TPD52L3: variants seen among roughly 807,000 people sequenced by gnomAD.
The protein encoded by TPD52L3 is tumor protein D55.
A neutral mutation model predicts 8.7 loss-of-function variants in TPD52L3; 12 were observed. That is an observed-to-expected ratio of 1.38 (90% confidence interval 0.89 to 2.24). The LOEUF is 2.24. TPD52L3 is among the 30% of genes most tolerant of loss of function. The pLI is 0.00. For synonymous variants in TPD52L3, 79 were observed against 66.8 expected (o/e 1.18, Z -0.89); for missense variants, 207 against 158.7 (o/e 1.30, Z -1.64).
At position 6,328,659 on chromosome 9, in the gene TPD52L3, G is replaced by C. The variant is rs778521383; in HGVS notation, c.64G>C (p.Glu22Gln). The C allele has an allele frequency of 2.5e-6, 4 of 1,614,156 alleles. No individual in the cohort carries two copies. The highest frequency in any genetic ancestry group is 1.7e-5 in the Admixed American group (1 of 60,026). Residue 22 changes from glutamate to glutamine, a missense_variant, in exon 1 of 2, where the codon GAG (glutamate) becomes CAG (glutamine). By Grantham distance (29) the Glu-to-Gln change is conservative (BLOSUM62 2). Transcript: ENST00000314556. ...TGAATCCCACTCGACTTCTGAACTG[G>C]AGGATCTGACAGAGCCCGAGCAAAG... The part of the protein sequence containing the change: ...TYESHSTSEL[E>Q]DLTEPEQREL...
intron 1 of TPD52L3, 170 bp downstream of exon 1, chr9:6,329,132 A>G (rs1227931156): frequency 2.0e-6 from 3 of 1,493,908 alleles, no homozygotes; most frequent in Non-Finnish European, 8.9e-7. Flanking sequence ...CTGGAGAGTG[A>G]GGATGACCAT....
chr9:6,328,699 A>G lies in TPD52L3; in HGVS notation c.104A>G (p.Lys35Arg), dbSNP rs1370772271. 6.2e-7 allele frequency: 1 copy of G among 1,614,080 alleles called. No individual in the cohort carries two copies. Reference protein sequence around the residue: ...TEPEQRELKTKLTKLEAEIVT... With the variant: ...TEPEQRELKTRLTKLEAEIVT... ...CCCGAGCAAAGAGAGCTCAAAACCAAACTCACTAAATTGGAGGCTGAAATT... is the reference window on the plus strand; with the variant it reads ...CCCGAGCAAAGAGAGCTCAAAACCAGACTCACTAAATTGGAGGCTGAAATT... Residue 35 changes from lysine to arginine, a missense_variant, in exon 1 of 2, where the codon AAA becomes AGA. Lys to Arg is a conservative substitution (Grantham distance 26). Transcript: ENST00000314556.
rs139191341 is a variant in TPD52L3, at chr9:6,330,910, A to G, written c.368-66A>G. 3.6e-4 allele frequency: 564 copies of G among 1,586,644 alleles called. 1 individual carries two copies. In the African/African-American group the frequency reaches 6.5e-3, roughly 18 times the overall value. On this transcript the variant is annotated intron_variant, in intron 1 of 1. Transcript: ENST00000314556. ...AGTAAGTTTCCCCAATAAATTCTCA[A>G]CTCCGTAAAAGTAGTAAAGTACATA...
chr9:6,329,312 G>C (rs1363702575), intron 1 of TPD52L3: 1 of 1,199,156 alleles, frequency 8.3e-7, no homozygotes, highest in Non-Finnish European at 1.0e-6. Context: ...CCAGTTTTGA[G>C]AAAAGAACAC....
In TPD52L3 at chr9:6,328,855, A is replaced by G. The variant is rs1245691003; in HGVS notation, c.260A>G (p.Asn87Ser). The G allele has an allele frequency of 2.5e-6, 4 of 1,614,170 alleles. No individual in the cohort carries two copies. Among genetic ancestry groups the G allele is most frequent in the Non-Finnish European group, 3.4e-6 (4 of 1,180,030 alleles). ...SKSWLDVQVS[N>S]TYVKQKTSAA... ...AGCTGGCTTGATGTTCAGGTCTCCA[A>G]CACCTATGTGAAACAGAAGACATCA... The change falls in exon 1 of 2, where the codon AAC (asparagine) becomes AGC (serine). Residue 87 changes from asparagine to serine, a missense_variant. Transcript: ENST00000314556.
At chr9:6,330,385 G>C in intron 1 of TPD52L3, 1 of 1,418,136 alleles carries the variant, frequency 7.1e-7, no homozygotes, top group East Asian at 2.6e-5. Flanking sequence ...ATAGAAGTTT[G>C]CATCTTATTG....
chr9:6,329,587 T>C, intron 1 of TPD52L3: 1 of 1,001,880 alleles, frequency 1.0e-6, no homozygotes. Flanking sequence ...TTTGTTTGTT[T>C]TCCCTTCCCC....
rs1818144059 is a variant in TPD52L3, at chr9:6,331,162, C to A, written c.*143C>A. On this transcript the variant is annotated 3_prime_UTR_variant, in exon 2 of 2. Coordinates refer to ENST00000314556, the MANE Select transcript of TPD52L3 (RefSeq NM_001001874.3). Reference sequence around the variant, plus strand: ...GACCCTACTCTGTATCAAGAACTGTCCCAGGTTCTGAAAGCATAGAATTAG... The same window carrying A: ...GACCCTACTCTGTATCAAGAACTGTACCAGGTTCTGAAAGCATAGAATTAG... 1 of 802,322 alleles carries A rather than the reference C, an allele frequency of 1.2e-6. No homozygotes were observed. Among genetic ancestry groups the A allele is most frequent in the South Asian group, 2.1e-5 (1 of 47,722 alleles). The allele number at this position is 802,322 out of a possible 1,614,324, so 49.7% of individuals were successfully genotyped here.
rs1328423334 is a variant in TPD52L3 at position 6,329,052 on chromosome 9, G to C, written c.367+90G>C. The C allele has an allele frequency of 1.9e-6, 3 of 1,598,864 alleles. No homozygotes were observed. The East Asian group carries it at 6.7e-5, about 36-fold the overall frequency. ...CTTCTGCGGAGGGTGGGGTTGATCT[G>C]CTCTCAGTTTTGGGGTGTGGGGAAG... is the stretch of plus-strand genomic sequence containing the variant. On this transcript the variant is annotated intron_variant, in intron 1 of 1. Coordinates refer to ENST00000314556, the MANE Select transcript of TPD52L3 (RefSeq NM_001001874.3).
intron 1 of TPD52L3, chr9:6,329,267 A>G (rs1364522643): frequency 6.1e-6 from 8 of 1,310,162 alleles, no homozygotes; most frequent in Non-Finnish European, 7.8e-6. Context: ...GCAAACCACA[A>G]TGGTAAAGTG....
chr9:6,330,389 C>T (rs1019431707), intron 1 of TPD52L3: 9 of 1,418,482 alleles, frequency 6.3e-6, no homozygotes, highest in South Asian at 1.7e-5. Context: ...AAGTTTGCAT[C>T]TTATTGGCTG....
chr9:6,329,312 G>A, intron 1 of TPD52L3: 3 of 1,199,274 alleles, frequency 2.5e-6, no homozygotes, highest in Non-Finnish European at 2.1e-6. Context: ...CCAGTTTTGA[G>A]AAAAGAACAC....
rs770699724 is a variant in TPD52L3, at chr9:6,328,677, G to A, written c.82G>A (p.Glu28Lys). The A allele has an allele frequency of 1.3e-5, 21 of 1,614,118 alleles. No individual in the cohort carries two copies. The Admixed American group carries it at 2.5e-4, about 19-fold the overall frequency. ...TSELEDLTEP[E>K]QRELKTKLTK... ...TGAACTGGAGGATCTGACAGAGCCC[G>A]AGCAAAGAGAGCTCAAAACCAAACT... The change falls in exon 1 of 2, where the codon GAG becomes AAG. Residue 28 changes from glutamate (E) to lysine (K), a missense_variant. Coordinates refer to ENST00000314556, the MANE Select transcript of TPD52L3 (RefSeq NM_001001874.3).
intron 1 of TPD52L3, chr9:6,330,112 G>T: frequency 1.2e-6 from 2 of 1,601,224 alleles, no homozygotes; most frequent in Admixed American, 3.5e-5. Flanking sequence ...TGTGATGCTG[G>T]CTGTTATGCC....
chr9:6,330,241 A>C, intron 1 of TPD52L3: 1 of 1,607,898 alleles, frequency 6.2e-7, no homozygotes, highest in Non-Finnish European at 8.5e-7. Flanking sequence ...GACAGTAGGA[A>C]CCTGGACGGT....
intron 1 of TPD52L3, chr9:6,330,297 T>G: frequency 6.3e-7 from 1 of 1,577,602 alleles, no homozygotes; most frequent in Non-Finnish European, 8.6e-7. Flanking sequence ...GAATATACTT[T>G]TTGTTTGTTT....
chr9:6,331,145 T>C lies in TPD52L3; in HGVS notation c.*126T>C. Reference sequence around the variant, plus strand: ...ATTCAAAGCCAATCTGAGACCCTACTCTGTATCAAGAACTGTCCCAGGTTC... The same window carrying C: ...ATTCAAAGCCAATCTGAGACCCTACCCTGTATCAAGAACTGTCCCAGGTTC... On this transcript the variant is annotated 3_prime_UTR_variant, in exon 2 of 2. Transcript: ENST00000314556. The C allele has an allele frequency of 1.0e-6, 1 of 993,074 alleles. No individual in the cohort carries two copies. The highest frequency in any genetic ancestry group is 1.7e-5 in the South Asian group (1 of 60,028). 61.5% of individuals were successfully genotyped at this position (993,074 alleles called of 1,614,324 possible).
At chr9:6,330,486 C>A (rs1818131161) in intron 1 of TPD52L3, 4 of 1,277,516 alleles carry the variant, frequency 3.1e-6, no homozygotes, top group Non-Finnish European at 4.0e-6. Flanking sequence ...GAGGATGATT[C>A]TGTTTTGTTG....
intron 1 of TPD52L3, chr9:6,330,247 A>T: frequency 6.2e-7 from 1 of 1,606,032 alleles, no homozygotes. Context: ...AGGAACCTGG[A>T]CGGTGCTTGT....
Sources: allele counts gnomAD v4.1 joint callset, GRCh38; gene constraint gnomAD v4.1.1; transcripts MANE v1.5; gene names NCBI Gene and HGNC (gene_info 2026-07-23, HGNC 2026-07-21).